Variants in TMEM41B observed in about 807,000 individuals in gnomAD.
TMEM41B encodes transmembrane protein 41B.
A neutral mutation model predicts 31.9 loss-of-function variants in TMEM41B; 18 were observed. The observed-to-expected ratio is 0.56, with a 90% CI of 0.39 to 0.84. The LOEUF (loss-of-function observed/expected upper bound fraction) is 0.84, where lower values mean the gene tolerates loss of function less well. Ranked by LOEUF, TMEM41B falls within the 40% of genes least tolerant of loss-of-function variation. TMEM41B has a pLI of 0.00. For missense variants in TMEM41B, 322 were observed against 348.0 expected (o/e 0.93, Z 0.59); for synonymous variants, 144 against 124.3 (o/e 1.16, Z -1.05).
intron 1 of TMEM41B, among the ~76,000 whole-genome samples, chr11:9,307,250 G>A (rs1376405759): frequency 6.6e-6 from 1 of 151,570 alleles, no homozygotes; most frequent in African/African-American, 2.4e-5. Context: ...ATCCCACCAC[G>A]AACGAAGGAA....
chr11:9,287,962 C>T (rs962240098), intron 4 of TMEM41B, 156 bp from the exon 5 acceptor site: 1 of 633,910 alleles, frequency 1.6e-6, no homozygotes, highest in African/African-American at 1.9e-5. Context: ...CTAGTACTTT[C>T]TCAGACCAAA....
intron 3 of TMEM41B, among the ~76,000 whole-genome samples, chr11:9,291,733 GA>G (rs1286817353): frequency 2.0e-5 from 3 of 151,048 alleles, no homozygotes; most frequent in African/African-American, 7.3e-5. Flanking sequence ...TTTGTGGTAG[GA>G]GTCTCGCTCT....
chr11:9,301,196 C>A (rs1853247345), intron 1 of TMEM41B, among the ~76,000 whole-genome samples: 1 of 151,994 alleles, frequency 6.6e-6, no homozygotes, highest in East Asian at 1.9e-4. Context: ...GAGATTGAGA[C>A]CATCCTGGCT....
At chr11:9,309,767 A>G (rs1213826776) in intron 1 of TMEM41B, among the ~76,000 whole-genome samples, 1 of 150,712 alleles carries the variant, frequency 6.6e-6, no homozygotes, top group Non-Finnish European at 1.5e-5. Flanking sequence ...CTAAAAATAC[A>G]AAAAATTAGC....
intron 1 of TMEM41B, among the ~76,000 whole-genome samples, chr11:9,309,204 C>T (rs926510592): frequency 2.6e-5 from 4 of 151,854 alleles, no homozygotes; most frequent in Non-Finnish European, 5.9e-5. Flanking sequence ...CAAGATCGCA[C>T]CATTGCACTC....
In TMEM41B at chr11:9,314,509, T is replaced by A. The variant is rs1004793563; in HGVS notation, c.-68A>T. The A allele has an allele frequency of 8.7e-6, 13 of 1,487,958 alleles. No individual in the cohort carries two copies. Among genetic ancestry groups the A allele is most frequent in the Non-Finnish European group, 1.2e-5 (13 of 1,114,628 alleles). The allele number at this position is 1,487,958 out of a possible 1,614,324, so 92.2% of individuals were successfully genotyped here. On this transcript the variant is annotated 5_prime_UTR_variant, in exon 1 of 7. Coordinates refer to ENST00000528080, the MANE Select transcript of TMEM41B (RefSeq NM_015012.4). ...TAAACAACAAAACTCTGTTGCAGGC[T>A]CCTTACTACGCCGAAGCGCCACGGC...
intron 1 of TMEM41B, chr11:9,311,672 G>C: frequency 1.2e-6 from 1 of 808,496 alleles, no homozygotes. Context: ...CTGGCTGCCT[G>C]GCACTGGGAT....
intron 5 of TMEM41B, 70 bp from the exon 6 acceptor site, chr11:9,286,663 CCTT>C: frequency 7.0e-7 from 1 of 1,434,640 alleles, no homozygotes; most frequent in African/African-American, 1.4e-5. Flanking sequence ...AATATAAACA[CCTT>C]ATTTCAAATT....
chr11:9,289,373 T>C (rs1241472453), intron 3 of TMEM41B, among the ~76,000 whole-genome samples: 3 of 152,032 alleles, frequency 2.0e-5, no homozygotes, highest in Admixed American at 6.6e-5. Context: ...TGAACCTTTT[T>C]CCCCTCTAAT....
chr11:9,303,588 CTTT>C (rs1237345259), intron 1 of TMEM41B, among the ~76,000 whole-genome samples: 1 of 151,180 alleles, frequency 6.6e-6, no homozygotes, highest in Non-Finnish European at 1.5e-5. Context: ...ACTAAATTAT[CTTT>C]TCCTACTTTC....
intron 1 of TMEM41B, among the ~76,000 whole-genome samples, chr11:9,310,683 C>T (rs543219136): frequency 1.7e-5 from 2 of 119,532 alleles, no homozygotes; most frequent in African/African-American, 6.4e-5. Context: ...TTTTTTTAAC[C>T]AGGAGAAATA....
chr11:9,282,018 G>T lies in TMEM41B; in HGVS notation c.*1406C>A, dbSNP rs540041104. 5 of 152,158 alleles carry T rather than the reference G, an allele frequency of 3.3e-5. No individual in the cohort carries two copies. The South Asian group carries it at 1.0e-3, about 32-fold the overall frequency. 9.4% of individuals were successfully genotyped at this position (152,158 alleles called of 1,614,324 possible). On this transcript the variant is annotated 3_prime_UTR_variant, in exon 7 of 7. Coordinates refer to ENST00000528080, the MANE Select transcript of TMEM41B (RefSeq NM_015012.4). Reference sequence around the variant, plus strand: ...TAATGTCTAAAAACTACATACTCTTGAATGTTTGCTTTTTAGAGCCCCTTG... The same window carrying T: ...TAATGTCTAAAAACTACATACTCTTTAATGTTTGCTTTTTAGAGCCCCTTG...
At chr11:9,292,629 G>A (rs1040334339) in intron 3 of TMEM41B, among the ~76,000 whole-genome samples, 1 of 151,950 alleles carries the variant, frequency 6.6e-6, no homozygotes, top group Admixed American at 6.6e-5. Flanking sequence ...GTTCCAGTTC[G>A]AGACCAGCCT....
At chr11:9,295,771 T>C (rs1289229299) in intron 2 of TMEM41B, among the ~76,000 whole-genome samples, 1 of 152,146 alleles carries the variant, frequency 6.6e-6, no homozygotes, top group African/African-American at 2.4e-5. Context: ...TGTGCTCAAA[T>C]GATCCTCCTG....
chr11:9,303,888 G>C (rs541377371), intron 1 of TMEM41B, among the ~76,000 whole-genome samples: 1 of 152,108 alleles, frequency 6.6e-6, no homozygotes, highest in South Asian at 2.1e-4. Context: ...GGCTGGTCTC[G>C]AACTCCTGAC....
At chr11:9,308,429 C>T (rs144525168) in intron 1 of TMEM41B, among the ~76,000 whole-genome samples, 587 of 152,236 alleles carry the variant, frequency 3.9e-3, no homozygotes, top group Non-Finnish European at 6.5e-3. Flanking sequence ...CTTTTTCTTC[C>T]ATGAGCTTAC....
At chr11:9,289,893 C>G (rs1312475634) in intron 3 of TMEM41B, among the ~76,000 whole-genome samples, 1 of 152,122 alleles carries the variant, frequency 6.6e-6, no homozygotes, top group Non-Finnish European at 1.5e-5. Flanking sequence ...ATTCTGTTGG[C>G]CACACAATCC....
At chr11:9,293,782 T>C (rs1853012446) in intron 3 of TMEM41B, among the ~76,000 whole-genome samples, 1 of 151,868 alleles carries the variant, frequency 6.6e-6, no homozygotes, top group African/African-American at 2.4e-5. Flanking sequence ...GGCGTTTCAC[T>C]ATGTTGGCCA....
At chr11:9,313,992 C>T (rs566562500) in intron 1 of TMEM41B, among the ~76,000 whole-genome samples, 13 of 152,310 alleles carry the variant, frequency 8.5e-5, no homozygotes, top group Non-Finnish European at 1.3e-4. Flanking sequence ...GTAAAAACAA[C>T]GCAGCGAATG....
Sources: allele counts gnomAD v4.1 joint callset (sites outside exome capture counted in the v4.1 genomes callset), GRCh38; gene constraint gnomAD v4.1.1; transcripts MANE v1.5; gene names NCBI Gene and HGNC (gene_info 2026-07-23, HGNC 2026-07-21).